The following GTF3C5 variants were observed in gnomAD, a reference collection of about 807,000 sequenced individuals.
GTF3C5 encodes general transcription factor IIIC subunit 5, also known as general transcription factor 3C polypeptide 5.
In GTF3C5, 47 loss-of-function variants were observed where a neutral mutation model predicts 61.0. The ratio of observed to expected loss-of-function variants is 0.77; its 90% CI spans 0.61 to 0.98. The LOEUF (loss-of-function observed/expected upper bound fraction) is 0.98. Ranked by LOEUF, GTF3C5 falls within the 50% of genes least tolerant of loss-of-function variation. GTF3C5 has a pLI of 0.00. For synonymous variants in GTF3C5, 295 were observed against 275.4 expected (o/e 1.07, Z -0.71); for missense variants, 659 against 703.3 (o/e 0.94, Z 0.71).
At position 133,052,703 on chromosome 9, in the gene GTF3C5, C is replaced by T. The variant is rs114490297; in HGVS notation, c.873+539C>T. Among the ~76,000 whole-genome samples the T allele has an allele frequency of 8.8e-3, 1,340 of 152,248 alleles. 25 individuals carry two copies. The highest frequency in any genetic ancestry group is 0.031 in the African/African-American group (1,290 of 41,532). ...CTCACAGAGCATTAGGGGAGGCCAG[C>T]GTAAGACATGACTGTGAGGGTCTGC... On this transcript the variant is annotated intron_variant, in intron 5 of 10. Transcript: ENST00000372097.
At chr9:133,032,450 A>G (rs913308965) in intron 1 of GTF3C5, among the ~76,000 whole-genome samples, 1 of 152,232 alleles carries the variant, frequency 6.6e-6, no homozygotes, top group South Asian at 2.1e-4. Flanking sequence ...AGGCACAAAG[A>G]ACAAGGAAGT....
At chr9:133,033,821 C>G (rs1778304945) in intron 1 of GTF3C5, among the ~76,000 whole-genome samples, 1 of 152,196 alleles carries the variant, frequency 6.6e-6, no homozygotes, top group Non-Finnish European at 1.5e-5. Flanking sequence ...GTTTGCATCT[C>G]AGTACCCTGT....
At chr9:133,030,927 C>G (rs542855608), upstream of GTF3C5, 1 of 1,474,880 alleles carries the variant, frequency 6.8e-7, no homozygotes. Context: ...GAGCCCGGAA[C>G]GATTCCTTCG....
rs376547080 is a variant in GTF3C5, at chr9:133,052,052, C to G, written c.769-8C>G. 4 of 1,545,376 alleles carry G rather than the reference C, an allele frequency of 2.6e-6. No individual in the cohort carries two copies. The African/African-American group carries it at 4.1e-5, about 16-fold the overall frequency. ...GCTCATCTCAGCCTCTGCCCTTGGC[C>G]TCCCCAGCTGTTTGACATCCGTCCC... On this transcript the variant is annotated splice_polypyrimidine_tract_variant and splice_region_variant and intron_variant, in intron 4 of 10. Coordinates refer to ENST00000372097, the MANE Select transcript of GTF3C5 (RefSeq NM_012087.4).
chr9:133,036,226 G>T (rs868773355), intron 1 of GTF3C5, among the ~76,000 whole-genome samples: 1 of 152,212 alleles, frequency 6.6e-6, no homozygotes, highest in Non-Finnish European at 1.5e-5. Context: ...TGGATTCCCT[G>T]TTAGGAGACC....
intron 8 of GTF3C5, chr9:133,055,046 CTG>C: frequency 1.3e-6 from 2 of 1,551,574 alleles, no homozygotes; most frequent in Non-Finnish European, 1.7e-6. Flanking sequence ...TCAGGGAAGT[CTG>C]GCACCAGCAG....
At chr9:133,038,128 A>G (rs573079771) in intron 1 of GTF3C5, among the ~76,000 whole-genome samples, 2 of 152,310 alleles carry the variant, frequency 1.3e-5, no homozygotes, top group East Asian at 3.9e-4. Flanking sequence ...GCGGGTAACT[A>G]AGGGCAAGGA....
intron 3 of GTF3C5, among the ~76,000 whole-genome samples, chr9:133,047,937 C>T (rs1432602845): frequency 6.6e-6 from 1 of 152,156 alleles, no homozygotes; most frequent in Admixed American, 6.5e-5. Flanking sequence ...ACAGCCTGAG[C>T]GACATAGTGA....
rs1445625294 is a variant in GTF3C5 at position 133,058,253 on chromosome 9, T to C, written c.*273T>C. The C allele has an allele frequency of 1.3e-5, 12 of 922,474 alleles. No individual in the cohort carries two copies. Among genetic ancestry groups the C allele is most frequent in the Non-Finnish European group, 1.7e-5 (12 of 706,818 alleles). The allele number at this position is 922,474 out of a possible 1,614,324, so 57.1% of individuals were successfully genotyped here. A position where few individuals can be genotyped will look rare whatever the true frequency, so the allele number is the denominator to read the frequency against. On this transcript the variant is annotated 3_prime_UTR_variant, in exon 11 of 11. Coordinates refer to ENST00000372097, the MANE Select transcript of GTF3C5 (RefSeq NM_012087.4). Reference sequence around the variant, plus strand: ...ACCAGCCCAGCATCCAGCCAGTGAGTGGGCACCCAATGCCTCTCAGGATGA... The same window carrying C: ...ACCAGCCCAGCATCCAGCCAGTGAGCGGGCACCCAATGCCTCTCAGGATGA...
At chr9:133,033,148 A>G (rs1337794004) in intron 1 of GTF3C5, among the ~76,000 whole-genome samples, 4 of 152,200 alleles carry the variant, frequency 2.6e-5, no homozygotes, top group Middle Eastern at 3.2e-3. Context: ...CCACCAGAAA[A>G]ACATAGACTC....
chr9:133,048,921 C>T (rs1020378977), intron 3 of GTF3C5, among the ~76,000 whole-genome samples: 1 of 152,214 alleles, frequency 6.6e-6, no homozygotes, highest in Non-Finnish European at 1.5e-5. Context: ...GCCCTGCTCA[C>T]GTTGCTGGGT....
chr9:133,046,738 A>G (rs1564199995), intron 3 of GTF3C5, among the ~76,000 whole-genome samples: 1 of 152,156 alleles, frequency 6.6e-6, no homozygotes, highest in Non-Finnish European at 1.5e-5. Context: ...GGTGGAAGGC[A>G]GTGGGCCGGG....
At chr9:133,041,422 A>C (rs1804966878) in intron 1 of GTF3C5, among the ~76,000 whole-genome samples, 1 of 152,198 alleles carries the variant, frequency 6.6e-6, no homozygotes, top group African/African-American at 2.4e-5. Context: ...AAGTACTAAA[A>C]GTCTCTGATA....
At chr9:133,044,814 A>T (rs527525400) in intron 3 of GTF3C5, among the ~76,000 whole-genome samples, 1 of 151,396 alleles carries the variant, frequency 6.6e-6, no homozygotes, top group Admixed American at 6.6e-5. Context: ...ACAGGCGCTC[A>T]CTCTCTCTCA....
At chr9:133,044,923 C>T (rs75375297) in intron 3 of GTF3C5, among the ~76,000 whole-genome samples, 3,295 of 150,430 alleles carry the variant, frequency 0.022, 119 homozygotes, top group African/African-American at 0.074. Flanking sequence ...CACACAGGCT[C>T]CGTGCACAGC....
At chr9:133,035,848 A>T (rs887187077) in intron 1 of GTF3C5, among the ~76,000 whole-genome samples, 5 of 152,196 alleles carry the variant, frequency 3.3e-5, no homozygotes, top group African/African-American at 1.2e-4. Flanking sequence ...TGGGTGATTA[A>T]TTCCTTGTGG....
At chr9:133,038,048 T>A (rs1413518012) in intron 1 of GTF3C5, among the ~76,000 whole-genome samples, 2 of 152,052 alleles carry the variant, frequency 1.3e-5, no homozygotes. Context: ...AGAACAGGGA[T>A]GTGGGTTACA....
chr9:133,043,741 C>A lies in GTF3C5; in HGVS notation c.387C>A (p.Phe129Leu), dbSNP rs897130126. The change falls in exon 3 of 11, where the codon TTC (phenylalanine) becomes TTA (leucine). Residue 129 changes from phenylalanine (F) to leucine (L), a missense_variant. Coordinates refer to ENST00000372097, the MANE Select transcript of GTF3C5 (RefSeq NM_012087.4). ...TIYKFQGMSDFQYLAVHTEAG... is the reference protein window; with the variant it reads ...TIYKFQGMSDLQYLAVHTEAG... ...CTCTCTTTCTAGGGATGTCTGACTT[C>A]CAGTACTTGGCTGTGCATACGGAAG... 2 of 1,613,914 alleles carry A rather than the reference C, an allele frequency of 1.2e-6. No individual in the cohort carries two copies. Among genetic ancestry groups the A allele is most frequent in the African/African-American group, 1.3e-5 (1 of 74,922 alleles).
At chr9:133,031,557 G>A (rs1032296458) in intron 1 of GTF3C5, among the ~76,000 whole-genome samples, 4 of 152,092 alleles carry the variant, frequency 2.6e-5, no homozygotes, top group African/African-American at 4.8e-5. Context: ...TCACCATGTT[G>A]GTCAGGCTTG....
Sources: gnomAD v4.1 joint callset for allele counts (sites outside exome capture counted in the v4.1 genomes callset) on GRCh38, gnomAD v4.1.1 for gene constraint, MANE v1.5 for transcripts, NCBI Gene and HGNC (gene_info 2026-07-23, HGNC 2026-07-21) for gene names.